The following CTNNA2 variants were observed in gnomAD, a reference collection of about 807,000 sequenced individuals.
CTNNA2 encodes catenin alpha-2.
CTNNA2 carries 42 observed loss-of-function variants against 101.0 expected under a neutral mutation model. That is an observed-to-expected ratio of 0.42 (90% CI 0.32 to 0.54). CTNNA2 has a LOEUF of 0.54. Among genes scored for constraint, CTNNA2 ranks in the 20% least tolerant of loss-of-function variants. The pLI is 0.14. For missense variants in CTNNA2, 871 were observed against 1,223.1 expected (o/e 0.71, Z 4.29); for synonymous variants, 450 against 456.4 (o/e 0.99, Z 0.18).
intron 7 of CTNNA2, among the ~76,000 whole-genome samples, chr2:80,226,078 T>C (rs1308645962): frequency 6.6e-6 from 1 of 152,222 alleles, no homozygotes; most frequent in Non-Finnish European, 1.5e-5. Flanking sequence ...TTTTTTTCTG[T>C]GGCATTCATT....
At chr2:80,331,037 TTTC>T (rs1469074420) in intron 7 of CTNNA2, among the ~76,000 whole-genome samples, 1 of 150,270 alleles carries the variant, frequency 6.7e-6, no homozygotes, top group Admixed American at 6.6e-5. Context: ...TTTTTTTTTT[TTTC>T]CTTCCCCGGC....
chr2:79,400,060 T>A (rs1462300769), intron 4 of CTNNA2, among the ~76,000 whole-genome samples: 5 of 152,000 alleles, frequency 3.3e-5, no homozygotes, highest in Non-Finnish European at 7.4e-5. Flanking sequence ...AATCAATATA[T>A]GTAAGATGTA....
At chr2:80,191,892 T>A (rs981609056) in intron 7 of CTNNA2, among the ~76,000 whole-genome samples, 7 of 152,178 alleles carry the variant, frequency 4.6e-5, no homozygotes, top group African/African-American at 1.7e-4. Flanking sequence ...CATGGACATC[T>A]TTTACTTCTC....
At chr2:79,972,751 A>G (rs1480476332) in intron 7 of CTNNA2, among the ~76,000 whole-genome samples, 1 of 152,178 alleles carries the variant, frequency 6.6e-6, no homozygotes, top group Non-Finnish European at 1.5e-5. Context: ...TCCAAAATAG[A>G]GCACATATTT....
chr2:79,308,839 G>T (rs1676304615), intron 2 of CTNNA2, among the ~76,000 whole-genome samples: 3 of 136,194 alleles, frequency 2.2e-5, no homozygotes, highest in African/African-American at 2.7e-5. Context: ...CTTCTCTATT[G>T]CATATTTTCT....
At chr2:79,994,781 C>T (rs1004697543) in intron 7 of CTNNA2, among the ~76,000 whole-genome samples, 4 of 152,044 alleles carry the variant, frequency 2.6e-5, no homozygotes, top group Non-Finnish European at 5.9e-5. Flanking sequence ...TGCTCTTGTG[C>T]TTAACATCTG....
At chr2:80,565,966 T>A (rs1694022314) in intron 12 of CTNNA2, among the ~76,000 whole-genome samples, 1 of 152,160 alleles carries the variant, frequency 6.6e-6, no homozygotes, top group Non-Finnish European at 1.5e-5. Flanking sequence ...TTTACACATT[T>A]TCCTGGAACC....
intron 7 of CTNNA2, among the ~76,000 whole-genome samples, chr2:80,183,195 A>G (rs139041099): frequency 1.2e-4 from 18 of 152,234 alleles, no homozygotes; most frequent in African/African-American, 3.9e-4. Context: ...CTCCCTCACC[A>G]GCATACACAC....
At chr2:80,035,036 C>T (rs1695559688) in intron 7 of CTNNA2, among the ~76,000 whole-genome samples, 1 of 152,116 alleles carries the variant, frequency 6.6e-6, no homozygotes, top group African/African-American at 2.4e-5. Flanking sequence ...CAGTGTCCAT[C>T]ATTAGGGGAC....
At chr2:79,917,527 A>T (rs1423738360) in intron 7 of CTNNA2, among the ~76,000 whole-genome samples, 1 of 152,198 alleles carries the variant, frequency 6.6e-6, no homozygotes, top group East Asian at 1.9e-4. Flanking sequence ...GCAACATGGC[A>T]CTTACAATTC....
chr2:80,143,337 A>T (rs1703131127), intron 7 of CTNNA2, among the ~76,000 whole-genome samples: 1 of 152,194 alleles, frequency 6.6e-6, no homozygotes, highest in East Asian at 1.9e-4. Flanking sequence ...ATATTTATGG[A>T]GTATAAGTAA....
At chr2:80,269,797 A>G (rs927767372) in intron 7 of CTNNA2, among the ~76,000 whole-genome samples, 3 of 152,194 alleles carry the variant, frequency 2.0e-5, no homozygotes, top group African/African-American at 7.2e-5. Context: ...TTTTCTTAGT[A>G]CTAATATATT....
rs920146572 is a variant in CTNNA2 at position 79,351,085 on chromosome 2, C to T, written c.-317-22746C>T. Among the ~76,000 whole-genome samples, 9 of 152,176 alleles carry T rather than the reference C, an allele frequency of 5.9e-5. No homozygotes were observed. In the East Asian group the frequency reaches 1.2e-3, roughly 20 times the overall value. On this transcript the variant is annotated intron_variant, in intron 3 of 21. Transcript: ENST00000466387. ...ATATTTTCTTTAATTCTGTAGGTTA[C>T]CTTTTTACTCTGCTATTTCTTTTTC...
chr2:79,468,389 G>A (rs1393437837), intron 4 of CTNNA2, among the ~76,000 whole-genome samples: 1 of 152,116 alleles, frequency 6.6e-6, no homozygotes, highest in Non-Finnish European at 1.5e-5. Context: ...CAAGCCCTTA[G>A]AGACCAACAA....
chr2:79,981,130 G>A (rs1373960245), intron 7 of CTNNA2, among the ~76,000 whole-genome samples: 2 of 152,078 alleles, frequency 1.3e-5, no homozygotes, highest in East Asian at 3.9e-4. Flanking sequence ...CTTTGAAAGA[G>A]CTTGAGTTGC....
intron 7 of CTNNA2, among the ~76,000 whole-genome samples, chr2:80,366,625 G>T (rs1674960925): frequency 1.3e-5 from 2 of 152,166 alleles, no homozygotes; most frequent in South Asian, 4.2e-4. Context: ...CCAGATATTG[G>T]ATCAGCCTTC....
chr2:80,086,823 G>A (rs1699466510), intron 7 of CTNNA2, among the ~76,000 whole-genome samples: 3 of 152,002 alleles, frequency 2.0e-5, no homozygotes, highest in Non-Finnish European at 2.9e-5. Context: ...AAGATAGGAA[G>A]CATTATGAAG....
At chr2:80,270,604 A>G (rs1056482187) in intron 7 of CTNNA2, among the ~76,000 whole-genome samples, 2 of 152,198 alleles carry the variant, frequency 1.3e-5, no homozygotes, top group African/African-American at 2.4e-5. Context: ...TGTTCTCACT[A>G]TATGATAGTC....
chr2:79,392,629 A>T, intron 4 of CTNNA2, among the ~76,000 whole-genome samples: 1 of 152,072 alleles, frequency 6.6e-6, no homozygotes, highest in East Asian at 1.9e-4. Context: ...CCACAAATTC[A>T]TCTTTTTAAG....
Sources: allele counts gnomAD v4.1 joint callset (sites outside exome capture counted in the v4.1 genomes callset), GRCh38; gene constraint gnomAD v4.1.1; transcripts MANE v1.5; gene names NCBI Gene and HGNC (gene_info 2026-07-23, HGNC 2026-07-21).